Variants in RAB27B observed in about 807,000 individuals in gnomAD.
The protein encoded by RAB27B is RAB27B, member RAS oncogene family.
A neutral mutation model predicts 24.6 loss-of-function variants in RAB27B; 15 were observed. The observed-to-expected ratio is 0.61, with a 90% CI of 0.41 to 0.94. The LOEUF (loss-of-function observed/expected upper bound fraction) is 0.94, where lower values mean the gene tolerates loss of function less well. Ranked by LOEUF, RAB27B falls within the 40% of genes least tolerant of loss-of-function variation. The pLI, the probability that RAB27B is intolerant of heterozygous loss-of-function variation, is 0.00. For missense variants in RAB27B, 261 were observed against 266.8 expected (o/e 0.98, Z 0.15); for synonymous variants, 105 against 92.5 (o/e 1.14, Z -0.78).
Position 54,884,746 on chromosome 18 carries a change from C to T in RAB27B, c.343+310C>T, listed in dbSNP as rs184291445. ...TGAAAGGCCATTGATTCCACTTTTC[C>T]AGTAAGTCTTGAAGGACTTCTTAAA... On this transcript the variant is annotated intron_variant, in intron 4 of 5. Transcript: ENST00000262094. Among the ~76,000 whole-genome samples, 3 of 152,176 alleles carry T rather than the reference C, an allele frequency of 2.0e-5. No individual in the cohort carries two copies. The East Asian group carries it at 5.8e-4, about 29-fold the overall frequency.
intron 1 of RAB27B, among the ~76,000 whole-genome samples, chr18:54,861,202 C>T (rs1189039163): frequency 6.6e-6 from 1 of 152,026 alleles, no homozygotes; most frequent in African/African-American, 2.4e-5. Context: ...CAGCAGCCAG[C>T]TAGAAAATGA....
At chr18:54,873,055 T>A (rs781274465) in intron 1 of RAB27B, among the ~76,000 whole-genome samples, 15 of 152,010 alleles carry the variant, frequency 9.9e-5, no homozygotes, top group Admixed American at 2.0e-4. Flanking sequence ...TCTGCATATA[T>A]CCAGGATAAA....
chr18:54,768,567 A>C (rs1054763145), intron 2 of RAB27B, among the ~76,000 whole-genome samples: 3 of 152,066 alleles, frequency 2.0e-5, no homozygotes, highest in Non-Finnish European at 4.4e-5. Context: ...CAATGTCAGC[A>C]ATCTAACTCT....
intron 2 of RAB27B, 76 bp from the exon 3 acceptor site, chr18:54,879,293 T>G: frequency 9.3e-7 from 1 of 1,073,498 alleles, no homozygotes; most frequent in Admixed American, 1.7e-5. Flanking sequence ...GAAAAAAACA[T>G]GCTGAGTGAA....
chr18:54,790,066 A>G (rs768998177), intron 2 of RAB27B, among the ~76,000 whole-genome samples: 1 of 152,142 alleles, frequency 6.6e-6, no homozygotes, highest in Non-Finnish European at 1.5e-5. Flanking sequence ...AGGAAAATTA[A>G]TGAAGTTGAG....
At chr18:54,879,703 C>G (rs993984501) in intron 3 of RAB27B, 1 of 378,634 alleles carries the variant, frequency 2.6e-6, no homozygotes, top group Non-Finnish European at 4.8e-6. Context: ...TATGCACTGT[C>G]TTTGCACTTC....
At chr18:54,753,142 T>C (rs981234410) in intron 2 of RAB27B, among the ~76,000 whole-genome samples, 1 of 152,134 alleles carries the variant, frequency 6.6e-6, no homozygotes, top group African/African-American at 2.4e-5. Flanking sequence ...AATTTGAATG[T>C]AGGAGTCTGG....
chr18:54,834,777 A>T (rs956018068), intron 1 of RAB27B, among the ~76,000 whole-genome samples: 1 of 150,090 alleles, frequency 6.7e-6, no homozygotes, highest in East Asian at 1.9e-4. Flanking sequence ...TAAAACGTTT[A>T]GGGAAAAAGC....
At chr18:54,792,821 C>T (rs1909294886) in intron 2 of RAB27B, among the ~76,000 whole-genome samples, 1 of 152,138 alleles carries the variant, frequency 6.6e-6, no homozygotes, top group African/African-American at 2.4e-5. Context: ...CGGTAGTACT[C>T]ATAAAATAGA....
intron 2 of RAB27B, among the ~76,000 whole-genome samples, chr18:54,739,906 A>G (rs745998389): frequency 3.3e-5 from 5 of 152,204 alleles, no homozygotes; most frequent in Non-Finnish European, 5.9e-5. Context: ...TTAGACATTC[A>G]TATATTTTCT....
At chr18:54,858,646 G>T (rs184832307) in intron 1 of RAB27B, among the ~76,000 whole-genome samples, 1 of 152,166 alleles carries the variant, frequency 6.6e-6, no homozygotes, top group African/African-American at 2.4e-5. Context: ...TCCTAAAGTG[G>T]TGGGATTACA....
At chr18:54,884,300 C>T (rs760348586) in intron 3 of RAB27B, 33 bp from the exon 4 acceptor site, 2 of 1,356,924 alleles carry the variant, frequency 1.5e-6, no homozygotes, top group Non-Finnish European at 2.1e-6. Context: ...TGTGGACTAA[C>T]TTTCAGAACT....
At chr18:54,884,306 G>A (rs775517559) in intron 3 of RAB27B, 27 bp from the exon 4 acceptor site, 1 of 1,421,544 alleles carries the variant, frequency 7.0e-7, no homozygotes, top group East Asian at 2.3e-5. Context: ...CTAACTTTCA[G>A]AACTACCCAC....
intron 2 of RAB27B, among the ~76,000 whole-genome samples, chr18:54,752,346 G>A (rs1907860794): frequency 6.6e-6 from 1 of 152,124 alleles, no homozygotes; most frequent in African/African-American, 2.4e-5. Context: ...AACAATCCAT[G>A]CTCCAAAGAT....
intron 2 of RAB27B, among the ~76,000 whole-genome samples, chr18:54,737,124 A>G (rs1909920891): frequency 6.6e-6 from 1 of 152,196 alleles, no homozygotes; most frequent in Non-Finnish European, 1.5e-5. Context: ...CTCTGTGGAA[A>G]AAAAAACTAC....
intron 2 of RAB27B, among the ~76,000 whole-genome samples, chr18:54,765,221 G>A (rs372914596): frequency 3.2e-4 from 49 of 152,008 alleles, no homozygotes; most frequent in African/African-American, 1.2e-3. Context: ...TTTGCTCCTG[G>A]CTTCAAATGA....
At chr18:54,733,649 A>ACC (rs1909794279) in intron 2 of RAB27B, among the ~76,000 whole-genome samples, 4 of 71,272 alleles carry the variant, frequency 5.6e-5, no homozygotes, top group South Asian at 5.0e-4. Context: ...TCTGTTCTAG[A>ACC]GCCCCCCCCC....
At chr18:54,841,566 G>A (rs537604878) in intron 1 of RAB27B, among the ~76,000 whole-genome samples, 86 of 152,244 alleles carry the variant, frequency 5.6e-4, no homozygotes, top group African/African-American at 2.0e-3. Flanking sequence ...TGGTAATTCT[G>A]CAGACTAAAG....
intron 2 of RAB27B, among the ~76,000 whole-genome samples, chr18:54,725,008 T>C (rs1320296268): frequency 6.6e-6 from 1 of 151,486 alleles, no homozygotes; most frequent in East Asian, 1.9e-4. Context: ...TCTAGACCAA[T>C]AGTGGAATCT....
Sources: allele counts gnomAD v4.1 joint callset (sites outside exome capture counted in the v4.1 genomes callset), GRCh38; gene constraint gnomAD v4.1.1; transcripts MANE v1.5; gene names NCBI Gene and HGNC (gene_info 2026-07-23, HGNC 2026-07-21).